SYTL2: variants seen among roughly 807,000 people sequenced by gnomAD.
The protein encoded by SYTL2 is synaptotagmin like 2.
SYTL2 carries 165 observed loss-of-function variants against 198.7 expected under a neutral mutation model. That is an observed-to-expected ratio of 0.83 (90% confidence interval 0.73 to 0.94). The LOEUF (loss-of-function observed/expected upper bound fraction) is 0.94. SYTL2 is among the 40% of genes least tolerant of loss of function. The probability of loss-of-function intolerance (pLI) is 0.00; values close to 1 mark genes in which losing one functional copy is unlikely to be tolerated. For synonymous variants in SYTL2, 966 were observed against 917.7 expected (o/e 1.05, Z -0.95); for missense variants, 2,835 against 2,582.8 (o/e 1.10, Z -2.12).
In SYTL2 at chr11:85,724,051, C is replaced by G. The variant is rs372794245; in HGVS notation, c.5307G>C (p.Glu1769Asp). 10 of 1,498,924 alleles carry G rather than the reference C, an allele frequency of 6.7e-6. No individual in the cohort carries two copies. The highest frequency in any genetic ancestry group is 1.8e-4 in the Middle Eastern group (1 of 5,572). The allele number at this position is 1,498,924 out of a possible 1,614,324, so 92.9% of individuals were successfully genotyped here. Residue 1769 changes from glutamate to aspartate, a missense_variant, in exon 8 of 20, where the codon GAG (glutamate) becomes GAC (aspartate). This residue lies in a region of SYTL2 where 2,645 missense variants were observed against 2,381.7 expected (regional missense o/e 1.11). Transcript: ENST00000359152. The part of the protein sequence containing the change: ...FSDGNTSSNA[E>D]SWRNPSSSEE... ...GCTCACTGGAAGGATTTCTCCAGCTCTCTGCATTAGAACTGGTGTTTCCAT... is the reference window on the plus strand; with the variant it reads ...GCTCACTGGAAGGATTTCTCCAGCTGTCTGCATTAGAACTGGTGTTTCCAT...
intron 1 of SYTL2, among the ~76,000 whole-genome samples, chr11:85,793,850 C>T (rs2092766164): frequency 6.6e-6 from 1 of 152,178 alleles, no homozygotes; most frequent in African/African-American, 2.4e-5. Flanking sequence ...TTGTTTTAGT[C>T]ATATCTTCCC....
the SYTL2 span, among the ~76,000 whole-genome samples, chr11:85,818,784 G>A: frequency 1.3e-5 from 2 of 151,910 alleles, no homozygotes; most frequent in East Asian, 3.9e-4. Flanking sequence ...TTGACCTCCC[G>A]AACTCAAGCA....
intron 18 of SYTL2, among the ~76,000 whole-genome samples, chr11:85,697,577 A>C (rs1228188030): frequency 1.3e-5 from 2 of 152,250 alleles, no homozygotes; most frequent in Non-Finnish European, 2.9e-5. Flanking sequence ...AGTCTCATAC[A>C]ATGACCGTTT....
the SYTL2 span, among the ~76,000 whole-genome samples, chr11:85,836,662 T>A: frequency 2.0e-5 from 3 of 152,152 alleles, no homozygotes; most frequent in South Asian, 6.2e-4. Context: ...AAGAGATATG[T>A]TGAGAAGTAA....
intron 2 of SYTL2, among the ~76,000 whole-genome samples, chr11:85,753,347 A>G (rs1007817170): frequency 6.6e-6 from 1 of 152,166 alleles, no homozygotes; most frequent in Non-Finnish European, 1.5e-5. Context: ...TTAGGGAAGC[A>G]GGCTGTGTAG....
Position 85,725,925 on chromosome 11 carries a change from T to G in SYTL2, c.3433A>C (p.Thr1145Pro), listed in dbSNP as rs1475645807. 1 of 1,614,172 alleles carries G rather than the reference T, an allele frequency of 6.2e-7. No individual in the cohort carries two copies. The change falls in exon 8 of 20, where the codon ACA becomes CCA. Residue 1145 changes from threonine to proline, a missense_variant. By Grantham distance (38) the Thr-to-Pro change is conservative (BLOSUM62 -1). Transcript: ENST00000359152. ...CCACCAGAGGGTTGAATTGCTGGTG[T>G]TGAGGTTTCTGAAAGCAGTTTCTGC... ...SLQKLLSETSTPAIQPSGGKV... is the reference protein window; with the variant it reads ...SLQKLLSETSPPAIQPSGGKV...
At chr11:85,803,827 A>C (rs2092923446) in intron 1 of SYTL2, among the ~76,000 whole-genome samples, 2 of 152,172 alleles carry the variant, frequency 1.3e-5, no homozygotes, top group African/African-American at 4.8e-5. Flanking sequence ...CTCATCAGTA[A>C]AGTGGATAAT....
At chr11:85,732,242 G>A (rs2089896071) in intron 7 of SYTL2, among the ~76,000 whole-genome samples, 1 of 152,186 alleles carries the variant, frequency 6.6e-6, no homozygotes, top group African/African-American at 2.4e-5. Flanking sequence ...CCATTACTGG[G>A]TATATATCTA....
intron 2 of SYTL2, among the ~76,000 whole-genome samples, chr11:85,750,038 C>A (rs187334150): frequency 7.9e-5 from 12 of 152,270 alleles, no homozygotes; most frequent in Non-Finnish European, 1.5e-4. Flanking sequence ...ACCCCACTTG[C>A]CAGCAGGCTC....
intron 15 of SYTL2, among the ~76,000 whole-genome samples, chr11:85,706,953 G>A (rs1366414490): frequency 1.3e-5 from 2 of 152,098 alleles, no homozygotes; most frequent in Non-Finnish European, 2.9e-5. Context: ...TCATTCTCCT[G>A]CCTCAGCTTC....
rs188399784 is a variant in SYTL2, at chr11:85,743,497, T to C, written c.389+2140A>G. 6.2e-4 allele frequency among the ~76,000 whole-genome samples: 94 copies of C among 152,336 alleles called. 1 individual carries two copies. The highest frequency in any genetic ancestry group is 2.2e-3 in the African/African-American group (91 of 41,578). On this transcript the variant is annotated intron_variant, in intron 4 of 19. Coordinates refer to ENST00000359152, the MANE Select transcript of SYTL2 (RefSeq NM_206927.4). Reference sequence around the variant, plus strand: ...TGCCACCGGAAAATGGCCAATTTTCTTTCTTCCTGAGAAATGCTGACTGAT... The same window carrying C: ...TGCCACCGGAAAATGGCCAATTTTCCTTCTTCCTGAGAAATGCTGACTGAT...
At chr11:85,784,155 T>G (rs920213543) in intron 1 of SYTL2, among the ~76,000 whole-genome samples, 8 of 152,152 alleles carry the variant, frequency 5.3e-5, no homozygotes, top group African/African-American at 1.9e-4. Context: ...GGCAGAACCC[T>G]CACCTTTCTA....
the SYTL2 span, among the ~76,000 whole-genome samples, chr11:85,833,815 T>C: frequency 6.7e-6 from 1 of 150,064 alleles, no homozygotes; most frequent in African/African-American, 2.5e-5. Flanking sequence ...CGTGGCTCAC[T>C]GCAACCTCCG....
rs543637960 is a variant in SYTL2, at chr11:85,706,892, G to A, written c.6018+537C>T. Among the ~76,000 whole-genome samples the A allele has an allele frequency of 3.3e-5, 5 of 152,222 alleles. No individual in the cohort carries two copies. In the South Asian group the frequency reaches 8.3e-4, roughly 25 times the overall value. ...AGTTTCACTCGTCACCCATGCTGGA[G>A]TGCAGTGGTGTGATCTTGGCTCACT... On this transcript the variant is annotated intron_variant, in intron 15 of 19. Coordinates refer to ENST00000359152, the MANE Select transcript of SYTL2 (RefSeq NM_206927.4).
At position 85,727,647 on chromosome 11, in the gene SYTL2, T is replaced by C; in HGVS notation, c.1711A>G (p.Asn571Asp). 6.5e-7 allele frequency: 1 copy of C among 1,536,734 alleles called. No homozygotes were observed. Among genetic ancestry groups the C allele is most frequent in the Non-Finnish European group, 8.7e-7 (1 of 1,146,824 alleles). ...LVTDDTTLRE[N>D]GSKTLSPSKI... Reference sequence around the variant, plus strand: ...CTGGGTGATAGGGTCTTTGAGCCATTTTCTCTTAAAGTAGTGTCATCTGTC... The same window carrying C: ...CTGGGTGATAGGGTCTTTGAGCCATCTTCTCTTAAAGTAGTGTCATCTGTC... Residue 571 changes from asparagine to aspartate, a missense_variant, in exon 8 of 20, where the codon AAT (asparagine) becomes GAT (aspartate). Coordinates refer to ENST00000359152, the MANE Select transcript of SYTL2 (RefSeq NM_206927.4).
chr11:85,773,553 G>C (rs73518849), intron 1 of SYTL2, among the ~76,000 whole-genome samples: 5,207 of 152,062 alleles, frequency 0.034, 296 homozygotes, highest in African/African-American at 0.12. Context: ...TATAGCAACT[G>C]TCTGTTTCCT....
intron 8 of SYTL2, among the ~76,000 whole-genome samples, chr11:85,723,369 A>G (rs1034273237): frequency 6.6e-6 from 1 of 152,218 alleles, no homozygotes; most frequent in African/African-American, 2.4e-5. Flanking sequence ...GATTGTGCAT[A>G]TAATTGAAAA....
intron 12 of SYTL2, among the ~76,000 whole-genome samples, chr11:85,713,597 A>G (rs2086676456): frequency 6.6e-6 from 1 of 152,248 alleles, no homozygotes; most frequent in Non-Finnish European, 1.5e-5. Flanking sequence ...TTAAAGTCCT[A>G]GATCTACTCT....
rs139043621 is a variant in SYTL2, at chr11:85,726,683, A to T, written c.2675T>A (p.Leu892His). Residue 892 changes from leucine to histidine, a missense_variant, in exon 8 of 20, where the codon CTT (leucine) becomes CAT (histidine). Coordinates refer to ENST00000359152, the MANE Select transcript of SYTL2 (RefSeq NM_206927.4). Reference protein sequence around the residue: ...PQIAGPSRYYLSAEQSDKVSL... With the variant: ...PQIAGPSRYYHSAEQSDKVSL... ...CACTTTATCTGATTGCTCAGCTGAA[A>T]GATAGTATCTGGATGGACCTGCTAT... 3.5e-4 allele frequency: 537 copies of T among 1,536,410 alleles called. 4 individuals carry two copies. In the African/African-American group the frequency reaches 6.8e-3, roughly 19 times the overall value.
Sources: gnomAD v4.1 joint callset for allele counts (sites outside exome capture counted in the v4.1 genomes callset) on GRCh38, gnomAD v4.1.1 for gene constraint, gnomAD v4.1.1 regional missense constraint, MANE v1.5 for transcripts, NCBI Gene and HGNC (gene_info 2026-07-23, HGNC 2026-07-21) for gene names.